PARD3B: variants seen among roughly 807,000 people sequenced by gnomAD.
PARD3B encodes the protein par-3 family cell polarity regulator beta, also known as partitioning defective 3 homolog B.
Under a neutral mutation model 130.2 loss-of-function variants are expected in PARD3B, and 103 were observed. That is an observed-to-expected ratio of 0.79 (90% confidence interval 0.67 to 0.93). PARD3B has a LOEUF of 0.93. Among genes scored for constraint, PARD3B ranks in the 40% least tolerant of loss-of-function variants. PARD3B has a pLI of 0.00. For synonymous variants in PARD3B, 583 were observed against 553.2 expected, an observed-to-expected ratio of 1.05 and a Z score of -0.76; for missense variants, 1,609 against 1,499.2, an observed-to-expected ratio of 1.07 and a Z score of -1.21.
chr2:204,965,367 C>CCGT, intron 3 of PARD3B, 44 bp downstream of exon 3: 1 of 1,569,838 alleles, frequency 6.4e-7, no homozygotes, highest in Non-Finnish European at 8.7e-7. Flanking sequence ...GACTGAAGAT[C>CCGT]CGTCATCTTG....
At chr2:205,361,017 G>A (rs1390061509) in intron 18 of PARD3B, among the ~76,000 whole-genome samples, 1 of 151,684 alleles carries the variant, frequency 6.6e-6, no homozygotes, top group Admixed American at 6.6e-5. Context: ...CCCAACCCAG[G>A]ATCACATGCT....
intron 20 of PARD3B, among the ~76,000 whole-genome samples, chr2:205,481,125 A>G (rs1486552125): frequency 6.6e-6 from 1 of 152,176 alleles, no homozygotes; most frequent in Non-Finnish European, 1.5e-5. Context: ...TGGTTTGAGA[A>G]TTAGGCTAAA....
At chr2:205,548,793 T>C (rs1013865969) in intron 21 of PARD3B, among the ~76,000 whole-genome samples, 5 of 152,034 alleles carry the variant, frequency 3.3e-5, no homozygotes, top group Non-Finnish European at 7.4e-5. Flanking sequence ...AATTAAAAAA[T>C]GTTGCTCTGT....
At chr2:204,966,090 A>G (rs564464380) in intron 3 of PARD3B, among the ~76,000 whole-genome samples, 63 of 152,336 alleles carry the variant, frequency 4.1e-4, no homozygotes, top group Non-Finnish European at 7.8e-4. Context: ...CTAGAAGAAC[A>G]GAGGCTTATT....
chr2:204,643,115 C>CAAAAAAAAAAAAAACAAAAAAAAA (rs2035145720), intron 1 of PARD3B, among the ~76,000 whole-genome samples: 1 of 31,826 alleles, frequency 3.1e-5, no homozygotes, highest in Non-Finnish European at 5.9e-5. Context: ...CTCTGTCTCA[C>CAAAAAAAAAAAAAACAAAAAAAAA]AAAAAAAAAA....
At chr2:205,089,922 T>C (rs16836913) in intron 4 of PARD3B, among the ~76,000 whole-genome samples, 6,017 of 152,308 alleles carry the variant, frequency 0.04, 214 homozygotes, top group African/African-American at 0.098. Context: ...CATTTTTGCG[T>C]CCAGTTGCCA....
At chr2:205,497,985 TG>T (rs1457415239) in intron 20 of PARD3B, among the ~76,000 whole-genome samples, 1 of 145,394 alleles carries the variant, frequency 6.9e-6, no homozygotes, top group African/African-American at 2.6e-5. Flanking sequence ...TAGACCAGCC[TG>T]GCCAACATGG....
intron 2 of PARD3B, among the ~76,000 whole-genome samples, chr2:204,905,473 G>T (rs1183159957): frequency 6.6e-6 from 1 of 152,136 alleles, no homozygotes. Flanking sequence ...AAAGAAAAAT[G>T]GCTTTATCAT....
intron 19 of PARD3B, among the ~76,000 whole-genome samples, chr2:205,404,101 C>T (rs1485637677): frequency 6.6e-6 from 1 of 152,146 alleles, no homozygotes; most frequent in African/African-American, 2.4e-5. Context: ...ATCCCATAAC[C>T]ACTACTAATA....
rs1026747072 is a variant in PARD3B, at chr2:204,610,033, A to G, written c.120+63914A>G. On this transcript the variant is annotated intron_variant, in intron 1 of 22. Transcript: ENST00000406610. This position sits in a 1 kb window ranked among gnomAD's most constrained non-coding sequence, Gnocchi z 4.1. The stretch of plus-strand genomic sequence containing the variant: ...GAGTCAGGTTGGAACTTGGTGTCTT[A>G]TTGCCACAAAGCGTCTGTTTTTTCA... Among the ~76,000 whole-genome samples, 2 of 152,124 alleles carry G rather than the reference A, an allele frequency of 1.3e-5. No homozygotes were observed. Among genetic ancestry groups the G allele is most frequent in the Non-Finnish European group, 2.9e-5 (2 of 68,024 alleles).
intron 2 of PARD3B, among the ~76,000 whole-genome samples, chr2:204,866,577 C>A (rs1261055385): frequency 6.6e-6 from 1 of 151,032 alleles, no homozygotes; most frequent in Non-Finnish European, 1.5e-5. Context: ...GGAACAACAA[C>A]AAAAAAATAC....
chr2:205,080,378 T>C (rs1397342272), intron 4 of PARD3B, among the ~76,000 whole-genome samples: 1 of 152,162 alleles, frequency 6.6e-6, no homozygotes, highest in Non-Finnish European at 1.5e-5. Context: ...GATTAATTGT[T>C]GCCTTTATAG....
intron 4 of PARD3B, among the ~76,000 whole-genome samples, chr2:205,050,911 C>G (rs2125421549): frequency 6.6e-6 from 1 of 152,168 alleles, no homozygotes; most frequent in African/African-American, 2.4e-5. Context: ...TGGGGCAGTC[C>G]TGGTTAGTGC....
At chr2:205,387,193 G>A (rs912435532) in intron 18 of PARD3B, among the ~76,000 whole-genome samples, 1 of 152,032 alleles carries the variant, frequency 6.6e-6, no homozygotes, top group Non-Finnish European at 1.5e-5. Context: ...CCTTGAAAAT[G>A]TTGCCTTCTT....
chr2:204,746,012 G>A (rs953055736), intron 2 of PARD3B, among the ~76,000 whole-genome samples: 41 of 150,630 alleles, frequency 2.7e-4, no homozygotes, highest in African/African-American at 9.8e-4. Flanking sequence ...TTAAGTTCTA[G>A]GGTACATGTG....
chr2:204,572,809 G>A (rs1269065648), intron 1 of PARD3B, among the ~76,000 whole-genome samples: 2 of 152,100 alleles, frequency 1.3e-5, no homozygotes, highest in African/African-American at 4.8e-5. Flanking sequence ...CCAGCCAATG[G>A]AAATACAATA....
At position 204,602,934 on chromosome 2, in the gene PARD3B, T is replaced by C. The variant is rs1282035449; in HGVS notation, c.120+56815T>C. Among the ~76,000 whole-genome samples the C allele has an allele frequency of 2.0e-5, 3 of 152,264 alleles. No individual in the cohort carries two copies. The East Asian group carries it at 5.8e-4, about 29-fold the overall frequency. On this transcript the variant is annotated intron_variant, in intron 1 of 22. Transcript: ENST00000406610. The stretch of plus-strand genomic sequence containing the variant: ...ATATTGACCAACACAATTGTTTCCT[T>C]AGCAGATACTCAATGAATGCTTTGA...
chr2:204,696,604 A>G (rs2037623397), intron 2 of PARD3B, among the ~76,000 whole-genome samples: 1 of 152,118 alleles, frequency 6.6e-6, no homozygotes, highest in South Asian at 2.1e-4. Context: ...ACTTATAGAT[A>G]CATTTTTAGT....
chr2:205,297,518 C>A (rs952480815), intron 16 of PARD3B, among the ~76,000 whole-genome samples: 3 of 152,016 alleles, frequency 2.0e-5, no homozygotes, highest in Non-Finnish European at 4.4e-5. Context: ...CATTATAATC[C>A]CTTACACAGC....
Sources: gnomAD v4.1 joint callset for allele counts (sites outside exome capture counted in the v4.1 genomes callset) on GRCh38, gnomAD v4.1.1 for gene constraint, Gnocchi (gnomAD v3.1) non-coding constraint, MANE v1.5 for transcripts, NCBI Gene and HGNC (gene_info 2026-07-23, HGNC 2026-07-21) for gene names.